Variants in DGKB observed in about 807,000 individuals in gnomAD.
The protein encoded by DGKB is diacylglycerol kinase beta, also known as 90 kDa diacylglycerol kinase.
A neutral mutation model predicts 114.3 loss-of-function variants in DGKB; 67 were observed. The ratio of observed to expected loss-of-function variants is 0.59; its 90% CI spans 0.48 to 0.72. The LOEUF (loss-of-function observed/expected upper bound fraction) is 0.72. Ranked by LOEUF, DGKB falls within the 30% of genes least tolerant of loss-of-function variation. The probability of loss-of-function intolerance (pLI) is 0.00; values close to 1 mark genes in which losing one functional copy is unlikely to be tolerated. For missense variants in DGKB, 907 were observed against 975.2 expected, an observed-to-expected ratio of 0.93 and a Z score of 0.93; for synonymous variants, 398 against 323.1, an observed-to-expected ratio of 1.23 and a Z score of -2.49.
chr7:14,166,491 C>G (rs538794806), intron 25 of DGKB, among the ~76,000 whole-genome samples: 3 of 152,252 alleles, frequency 2.0e-5, no homozygotes, highest in African/African-American at 7.2e-5. Context: ...ATATGCCAAT[C>G]TGATGGAGAG....
intron 21 of DGKB, among the ~76,000 whole-genome samples, chr7:14,428,062 A>G (rs1008214790): frequency 6.6e-6 from 1 of 152,058 alleles, no homozygotes; most frequent in Non-Finnish European, 1.5e-5. Flanking sequence ...ATTTTATTGA[A>G]TATTCAATAA....
chr7:14,941,996 C>T (rs1045164471), intron 1 of DGKB, among the ~76,000 whole-genome samples: 17 of 151,882 alleles, frequency 1.1e-4, no homozygotes, highest in Non-Finnish European at 1.8e-4. Flanking sequence ...TCTTTGCAAC[C>T]GAATGAAAGT....
chr7:14,667,844 T>C (rs1818304871), intron 13 of DGKB, among the ~76,000 whole-genome samples: 1 of 152,116 alleles, frequency 6.6e-6, no homozygotes, highest in Non-Finnish European at 1.5e-5. Flanking sequence ...AACCTTTTAA[T>C]TCGGACTTAG....
chr7:14,687,404 T>G (rs1377091063), intron 9 of DGKB, among the ~76,000 whole-genome samples: 1 of 152,186 alleles, frequency 6.6e-6, no homozygotes, highest in Non-Finnish European at 1.5e-5. Context: ...ACACAGGTGT[T>G]TTAATTTTCT....
chr7:14,613,418 A>G lies in DGKB; in HGVS notation c.1285-5T>C. On this transcript the variant is annotated splice_region_variant and splice_polypyrimidine_tract_variant and intron_variant, in intron 15 of 25. Transcript: ENST00000402815. ...AGTACCAGGCACAGGAGTGACCTAT[A>G]AGAAAAGTTATATACATGGAAAAAT... is the stretch of plus-strand genomic sequence containing the variant. The G allele has an allele frequency of 6.5e-7, 1 of 1,530,146 alleles. No individual in the cohort carries two copies. Among genetic ancestry groups the G allele is most frequent in the Non-Finnish European group, 8.9e-7 (1 of 1,125,332 alleles). 94.8% of individuals were successfully genotyped at this position (1,530,146 alleles called of 1,614,324 possible). A position where few individuals can be genotyped will look rare whatever the true frequency, so the allele number is the denominator to read the frequency against.
intron 1 of DGKB, among the ~76,000 whole-genome samples, chr7:14,937,255 G>C (rs1022323310): frequency 3.3e-5 from 5 of 151,728 alleles, no homozygotes; most frequent in Admixed American, 6.6e-5. Context: ...TTTTTTAAGT[G>C]TATTCAAATT....
At chr7:14,790,838 C>CA (rs976429689) in intron 2 of DGKB, among the ~76,000 whole-genome samples, 8 of 151,584 alleles carry the variant, frequency 5.3e-5, no homozygotes, top group African/African-American at 9.7e-5. Flanking sequence ...CTATATCTGC[C>CA]AAAAAAAATT....
chr7:14,167,167 T>C (rs1029169553), intron 25 of DGKB, among the ~76,000 whole-genome samples: 3 of 132,700 alleles, frequency 2.3e-5, no homozygotes, highest in African/African-American at 8.7e-5. Flanking sequence ...GCCAACTTCA[T>C]GCCACTGCAC....
chr7:14,517,702 T>TA (rs748784057), intron 20 of DGKB, among the ~76,000 whole-genome samples: 1 of 151,270 alleles, frequency 6.6e-6, no homozygotes, highest in African/African-American at 2.4e-5. Flanking sequence ...AACAAGCATA[T>TA]AAAAAAGGCC....
chr7:14,859,989 A>G (rs919912107), intron 1 of DGKB, among the ~76,000 whole-genome samples: 4 of 152,128 alleles, frequency 2.6e-5, no homozygotes, highest in Non-Finnish European at 5.9e-5. Flanking sequence ...TTAAGAAATA[A>G]GAAGCAATTT....
At chr7:14,507,478 T>A (rs913727452) in intron 20 of DGKB, among the ~76,000 whole-genome samples, 50 of 152,288 alleles carry the variant, frequency 3.3e-4, no homozygotes, top group African/African-American at 1.2e-3. Flanking sequence ...CACATACTAG[T>A]TAATAATTAA....
chr7:14,787,300 A>C (rs1216046015), intron 2 of DGKB, among the ~76,000 whole-genome samples: 1 of 152,226 alleles, frequency 6.6e-6, no homozygotes, highest in Non-Finnish European at 1.5e-5. Context: ...TTTCACAAGC[A>C]ATGCAATTAT....
rs79325384 is a variant in DGKB, at chr7:14,383,150, C to T, written c.1836-37759G>A. On this transcript the variant is annotated intron_variant, in intron 21 of 25. Coordinates refer to ENST00000402815, the MANE Select transcript of DGKB (RefSeq NM_001350709.2). ...TTTGTTTTTCTATTTTCAATAGTAT[C>T]TCCTGTTTATAATGGATTGTTTTAA... Among the ~76,000 whole-genome samples the T allele has an allele frequency of 5.8e-3, 885 of 152,176 alleles. 10 individuals are homozygous for T. Among genetic ancestry groups the T allele is most frequent in the African/African-American group, 0.02 (819 of 41,520 alleles).
intron 9 of DGKB, among the ~76,000 whole-genome samples, chr7:14,686,029 C>G (rs1821628255): frequency 6.6e-6 from 1 of 151,980 alleles, no homozygotes; most frequent in Non-Finnish European, 1.5e-5. Flanking sequence ...TTTGTTTACC[C>G]CCTTATAAAA....
chr7:14,168,351 G>A (rs2128232956), intron 25 of DGKB, among the ~76,000 whole-genome samples: 1 of 152,306 alleles, frequency 6.6e-6, no homozygotes, highest in Admixed American at 6.5e-5. Context: ...CGTCATCAGA[G>A]TTTTAGAAGG....
At chr7:14,622,894 T>C (rs980736898) in intron 14 of DGKB, among the ~76,000 whole-genome samples, 1 of 152,216 alleles carries the variant, frequency 6.6e-6, no homozygotes, top group African/African-American at 2.4e-5. Context: ...GCCTTGGTCC[T>C]GACTTCAGGA....
intron 4 of DGKB, among the ~76,000 whole-genome samples, chr7:14,742,902 A>T (rs1011385980): frequency 6.6e-6 from 1 of 152,202 alleles, no homozygotes; most frequent in Non-Finnish European, 1.5e-5. Context: ...TTTAAATTAG[A>T]TAAGGTCAAG....
At chr7:14,636,566 C>T (rs895012225) in intron 13 of DGKB, among the ~76,000 whole-genome samples, 1 of 151,760 alleles carries the variant, frequency 6.6e-6, no homozygotes, top group South Asian at 2.1e-4. Flanking sequence ...TGAGTACATA[C>T]ATCGGTGTGT....
intron 13 of DGKB, among the ~76,000 whole-genome samples, chr7:14,638,696 C>T (rs1811190483): frequency 6.6e-6 from 1 of 152,032 alleles, no homozygotes; most frequent in Non-Finnish European, 1.5e-5. Context: ...AGTTCAATTC[C>T]TGCTATGTTG....
Sources: gnomAD v4.1 joint callset for allele counts (sites outside exome capture counted in the v4.1 genomes callset) on GRCh38, gnomAD v4.1.1 for gene constraint, MANE v1.5 for transcripts, NCBI Gene and HGNC (gene_info 2026-07-23, HGNC 2026-07-21) for gene names.